The following RUNDC3B variants were observed in gnomAD, a reference collection of about 807,000 sequenced individuals.
The protein encoded by RUNDC3B is RUN domain containing 3B.
In RUNDC3B, 33 loss-of-function variants were observed where a neutral mutation model predicts 58.4. The observed-to-expected ratio is 0.56, with a 90% CI of 0.43 to 0.75. RUNDC3B has a LOEUF of 0.75. RUNDC3B is among the 30% of genes least tolerant of loss of function. The probability of loss-of-function intolerance (pLI) is 0.00; values close to 1 mark genes in which losing one functional copy is unlikely to be tolerated. For synonymous variants in RUNDC3B, 193 were observed against 195.2 expected (o/e 0.99, Z 0.10); for missense variants, 501 against 535.7 (o/e 0.94, Z 0.64).
At chr7:87,767,083 C>G (rs964810763) in intron 6 of RUNDC3B, among the ~76,000 whole-genome samples, 2 of 152,078 alleles carry the variant, frequency 1.3e-5, no homozygotes, top group Non-Finnish European at 2.9e-5. Flanking sequence ...TTCATTTCTT[C>G]AAGTTCTGTT....
chr7:87,710,482 T>G (rs1056888720), intron 3 of RUNDC3B, 88 bp from the exon 4 acceptor site: 2 of 723,776 alleles, frequency 2.8e-6, no homozygotes, highest in African/African-American at 3.7e-5. Context: ...GAATGGCTGT[T>G]CTTTACATAT....
rs781710282 is a variant in RUNDC3B at position 87,700,421 on chromosome 7, G to T, written c.239G>T (p.Gly80Val). Residue 80 changes from glycine to valine, a missense_variant and splice_region_variant, in exon 3 of 11, where the codon GGT becomes GTT. Gly to Val is a moderately radical substitution (Grantham distance 109). Coordinates refer to ENST00000394654, the MANE Select transcript of RUNDC3B (RefSeq NM_001134405.2). ...TTATATCGCAATTTGTCTCCTGAAG[G>T]TCAAGTAACCTGGTTTGGTTATGAA... ...LEQILSHRLK[G>V]QVTWFGYESP... 6.3e-7 allele frequency: 1 copy of T among 1,596,036 alleles called. No individual in the cohort carries two copies. The highest frequency in any genetic ancestry group is 1.2e-5 in the South Asian group (1 of 85,538).
At chr7:87,715,295 TA>T (rs1175283347) in intron 4 of RUNDC3B, among the ~76,000 whole-genome samples, 1 of 125,206 alleles carries the variant, frequency 8.0e-6, no homozygotes, top group African/African-American at 3.2e-5. Context: ...AATTAATTTA[TA>T]ATAATTATAT....
chr7:87,644,382 CA>C (rs1291393676), intron 1 of RUNDC3B, among the ~76,000 whole-genome samples: 1 of 152,184 alleles, frequency 6.6e-6, no homozygotes, highest in Non-Finnish European at 1.5e-5. Flanking sequence ...ATAATTACCT[CA>C]CCCCTGTGTT....
intron 2 of RUNDC3B, among the ~76,000 whole-genome samples, chr7:87,670,685 G>T (rs552882384): frequency 5.1e-4 from 78 of 152,192 alleles, no homozygotes; most frequent in African/African-American, 1.9e-3. Context: ...AAGGCTTTGT[G>T]CAGTGTCTTT....
At chr7:87,689,688 CATAATA>C (rs1827836519) in intron 2 of RUNDC3B, among the ~76,000 whole-genome samples, 1 of 152,070 alleles carries the variant, frequency 6.6e-6, no homozygotes, top group African/African-American at 2.4e-5. Context: ...AGGAGGGTAT[CATAATA>C]ATAATCCCAG....
rs955819390 is a variant in RUNDC3B at position 87,700,352 on chromosome 7, G to A, written c.239-69G>A. ...TACCTTTATTTTTCAGAATTTTATT[G>A]TTCTTGCATTTTCAAGTCTAGTTTT... On this transcript the variant is annotated intron_variant, in intron 2 of 10. Transcript: ENST00000394654. 4 of 1,300,870 alleles carry A rather than the reference G, an allele frequency of 3.1e-6. 1 individual carries two copies. Among genetic ancestry groups the A allele is most frequent in the Non-Finnish European group, 2.1e-6 (2 of 950,570 alleles). The allele number at this position is 1,300,870 out of a possible 1,614,324, so 80.6% of individuals were successfully genotyped here.
intron 6 of RUNDC3B, among the ~76,000 whole-genome samples, chr7:87,752,456 G>A (rs1472657388): frequency 6.6e-6 from 1 of 152,160 alleles, no homozygotes; most frequent in African/African-American, 2.4e-5. Flanking sequence ...AATGGTACCA[G>A]TTCCTCCATG....
intron 2 of RUNDC3B, among the ~76,000 whole-genome samples, chr7:87,653,423 G>A (rs955939559): frequency 6.6e-6 from 1 of 152,058 alleles, no homozygotes; most frequent in Non-Finnish European, 1.5e-5. Flanking sequence ...ACTTCAGCTA[G>A]CACAAAGGAT....
rs1204321076 is a variant in RUNDC3B, at chr7:87,813,507, A to G, written c.1104-2634A>G. The stretch of plus-strand genomic sequence containing the variant: ...CTATATATAATTTTTTTAAATTTAG[A>G]AATACTAACAAGTTTTCTTATGATG... On this transcript the variant is annotated intron_variant, in intron 9 of 10. Transcript: ENST00000394654. Among the ~76,000 whole-genome samples the G allele has an allele frequency of 3.3e-5, 5 of 152,114 alleles. No homozygotes were observed. The East Asian group carries it at 9.6e-4, about 29-fold the overall frequency.
intron 9 of RUNDC3B, among the ~76,000 whole-genome samples, chr7:87,813,485 T>C (rs1052326242): frequency 1.3e-5 from 2 of 152,180 alleles, no homozygotes; most frequent in Non-Finnish European, 2.9e-5. Context: ...ACTATTTCTA[T>C]ATATAATTTT....
intron 8 of RUNDC3B, among the ~76,000 whole-genome samples, chr7:87,795,301 T>G (rs1031105192): frequency 6.6e-6 from 1 of 152,054 alleles, no homozygotes; most frequent in African/African-American, 2.4e-5. Context: ...AATTATCTGA[T>G]TAAAAAGTGG....
intron 6 of RUNDC3B, among the ~76,000 whole-genome samples, chr7:87,745,779 A>ATT (rs113597258): frequency 3.3e-5 from 5 of 151,096 alleles, no homozygotes; most frequent in African/African-American, 1.2e-4. Flanking sequence ...TATCTTTTGT[A>ATT]TTTTTTTGTT....
chr7:87,684,282 T>C (rs1335734226), intron 2 of RUNDC3B, among the ~76,000 whole-genome samples: 1 of 152,196 alleles, frequency 6.6e-6, no homozygotes, highest in Admixed American at 6.5e-5. Context: ...ATAGATTCAA[T>C]GCAATCTCAA....
At chr7:87,665,256 A>G (rs1825109227) in intron 2 of RUNDC3B, among the ~76,000 whole-genome samples, 1 of 152,200 alleles carries the variant, frequency 6.6e-6, no homozygotes, top group African/African-American at 2.4e-5. Context: ...ATGATACAAA[A>G]TCAACATACA....
intron 6 of RUNDC3B, among the ~76,000 whole-genome samples, chr7:87,768,465 G>A (rs1373290190): frequency 6.6e-6 from 1 of 152,218 alleles, no homozygotes; most frequent in Non-Finnish European, 1.5e-5. Context: ...CCCTGAATCT[G>A]CACAACGAGT....
intron 5 of RUNDC3B, 110 bp from the exon 6 acceptor site, chr7:87,741,389 G>A (rs1200040387): frequency 1.4e-5 from 8 of 567,324 alleles, no homozygotes; most frequent in East Asian, 6.5e-5. Context: ...AAAAAAATTC[G>A]CTTGCCATTT....
intron 8 of RUNDC3B, among the ~76,000 whole-genome samples, chr7:87,781,208 T>C (rs1834901368): frequency 6.6e-6 from 1 of 152,158 alleles, no homozygotes; most frequent in South Asian, 2.1e-4. Context: ...TTCACCAAAT[T>C]GTTTAGATGT....
At chr7:87,802,888 G>A (rs1387626295) in intron 8 of RUNDC3B, among the ~76,000 whole-genome samples, 1 of 152,114 alleles carries the variant, frequency 6.6e-6, no homozygotes, top group Non-Finnish European at 1.5e-5. Flanking sequence ...GGGAGATGGA[G>A]GTGGGAGGAT....
Sources: gnomAD v4.1 joint callset for allele counts (sites outside exome capture counted in the v4.1 genomes callset) on GRCh38, gnomAD v4.1.1 for gene constraint, MANE v1.5 for transcripts, NCBI Gene and HGNC (gene_info 2026-07-23, HGNC 2026-07-21) for gene names.